Variants in STN1 observed in about 807,000 individuals in gnomAD.
STN1 encodes the protein STN1 subunit of CST complex.
Under a neutral mutation model 45.5 loss-of-function variants are expected in STN1, and 29 were observed. The ratio of observed to expected loss-of-function variants is 0.64; its 90% CI spans 0.47 to 0.87. The LOEUF (loss-of-function observed/expected upper bound fraction) is 0.87, where lower values mean the gene tolerates loss of function less well. STN1 is among the 40% of genes least tolerant of loss of function. The pLI is 0.00. For synonymous variants in STN1, 148 were observed against 159.0 expected, an observed-to-expected ratio of 0.93 and a Z score of 0.52; for missense variants, 376 against 441.4, an observed-to-expected ratio of 0.85 and a Z score of 1.33.
chr10:103,897,778 G>A (rs1392997168), intron 6 of STN1, 59 bp from the exon 7 acceptor site: 1 of 1,572,704 alleles, frequency 6.4e-7, no homozygotes, highest in African/African-American at 1.4e-5. Flanking sequence ...TTCCTTTTTG[G>A]TGTATAAAAA....
At chr10:103,900,618 A>C (rs1444777871) in intron 4 of STN1, among the ~76,000 whole-genome samples, 2 of 152,084 alleles carry the variant, frequency 1.3e-5, no homozygotes, top group African/African-American at 4.8e-5. Flanking sequence ...CCTTGCGAGG[A>C]GACTTGTCCC....
chr10:103,891,798 T>A (rs973367796), intron 8 of STN1, among the ~76,000 whole-genome samples: 2 of 152,158 alleles, frequency 1.3e-5, no homozygotes, highest in Non-Finnish European at 2.9e-5. Flanking sequence ...CCACACACAC[T>A]CAAGTCCTGA....
At chr10:103,896,210 T>C (rs1017823472) in intron 7 of STN1, among the ~76,000 whole-genome samples, 6 of 152,178 alleles carry the variant, frequency 3.9e-5, no homozygotes, top group Admixed American at 3.9e-4. Flanking sequence ...AGAACCTGCT[T>C]TATGCCAGCC....
rs1843049972 is a variant in STN1, at chr10:103,879,091, C to T, written c.*3593G>A. On this transcript the variant is annotated 3_prime_UTR_variant, in exon 10 of 10. Coordinates refer to ENST00000224950, the MANE Select transcript of STN1 (RefSeq NM_024928.5). Reference sequence around the variant, plus strand: ...GGTGTGACTTCTGAGCACTTCCAGCCTGCACAGCCTACTAAGACATGTGAG... The same window carrying T: ...GGTGTGACTTCTGAGCACTTCCAGCTTGCACAGCCTACTAAGACATGTGAG... 6.6e-6 allele frequency: 1 copy of T among 152,314 alleles called. No individual in the cohort carries two copies. Among genetic ancestry groups the T allele is most frequent in the African/African-American group, 2.4e-5 (1 of 41,450 alleles). The allele number at this position is 152,314 out of a possible 1,614,324, so 9.4% of individuals were successfully genotyped here.
At chr10:103,906,494 C>CA (rs990919175) in intron 3 of STN1, among the ~76,000 whole-genome samples, 8 of 150,848 alleles carry the variant, frequency 5.3e-5, no homozygotes, top group South Asian at 2.1e-4. Context: ...CCGTCTCTAC[C>CA]AAAAAAAAAT....
At chr10:103,910,481 G>C (rs1293616476) in intron 3 of STN1, 46 bp downstream of exon 3, 6 of 1,311,076 alleles carry the variant, frequency 4.6e-6, no homozygotes, top group Non-Finnish European at 6.6e-6. Context: ...AGCCCAGAAG[G>C]GTCAGCCTTC....
intron 3 of STN1, among the ~76,000 whole-genome samples, chr10:103,907,016 G>A (rs1843245808): frequency 2.0e-5 from 3 of 152,216 alleles, no homozygotes; most frequent in Non-Finnish European, 1.5e-5. Context: ...TTGGGGGGCT[G>A]AGGCAGGATT....
chr10:103,898,003 A>C (rs1843182716), intron 6 of STN1, among the ~76,000 whole-genome samples: 1 of 152,144 alleles, frequency 6.6e-6, no homozygotes, highest in Non-Finnish European at 1.5e-5. Flanking sequence ...AAACCCACAA[A>C]ATCTATGGGT....
At chr10:103,886,513 A>G (rs1228158197) in intron 9 of STN1, among the ~76,000 whole-genome samples, 1 of 152,158 alleles carries the variant, frequency 6.6e-6, no homozygotes, top group East Asian at 1.9e-4. Context: ...CCATACTGAA[A>G]GCCAAAATCC....
intron 2 of STN1, 114 bp from the exon 3 acceptor site, chr10:103,910,736 T>C: frequency 3.4e-6 from 2 of 591,232 alleles, no homozygotes; most frequent in Non-Finnish European, 6.0e-6. Context: ...TGCTGTTTGC[T>C]GAAATTCTAG....
At chr10:103,915,742 G>T (rs1363726698) in intron 2 of STN1, among the ~76,000 whole-genome samples, 1 of 152,024 alleles carries the variant, frequency 6.6e-6, no homozygotes, top group African/African-American at 2.4e-5. Context: ...GAACACTATG[G>T]TATAGTCTAA....
intron 8 of STN1, 90 bp downstream of exon 8, chr10:103,892,040 T>A: frequency 9.1e-7 from 1 of 1,093,480 alleles, no homozygotes; most frequent in African/African-American, 1.6e-5. Context: ...CTTAATGATT[T>A]TTAAGAATAA....
chr10:103,900,723 C>A (rs1268497439), intron 4 of STN1, among the ~76,000 whole-genome samples: 1 of 150,776 alleles, frequency 6.6e-6, no homozygotes, highest in African/African-American at 2.5e-5. Flanking sequence ...CACACACACA[C>A]ACACACACTC....
At chr10:103,885,443 GCTGA>G (rs2134356216) in intron 9 of STN1, among the ~76,000 whole-genome samples, 1 of 152,308 alleles carries the variant, frequency 6.6e-6, no homozygotes, top group African/African-American at 2.4e-5. Flanking sequence ...AAGCAGTGAT[GCTGA>G]CTGTCTCAGA....
At chr10:103,899,473 T>A (rs1843192600) in intron 5 of STN1, among the ~76,000 whole-genome samples, 1 of 152,144 alleles carries the variant, frequency 6.6e-6, no homozygotes, top group East Asian at 1.9e-4. Context: ...GGTGGGCGGA[T>A]CTCTTGAGCT....
chr10:103,909,983 T>C (rs555969806), intron 3 of STN1, among the ~76,000 whole-genome samples: 73 of 152,336 alleles, frequency 4.8e-4, no homozygotes, highest in Non-Finnish European at 8.8e-4. Flanking sequence ...GTGTCCAAAA[T>C]ATAGAAACCC....
intron 2 of STN1, among the ~76,000 whole-genome samples, chr10:103,915,159 C>A (rs1371792896): frequency 1.3e-5 from 2 of 152,234 alleles, no homozygotes; most frequent in Non-Finnish European, 2.9e-5. Context: ...CCCCCTGACA[C>A]ACCAACACAT....
rs147713550 is a variant in STN1 at position 103,880,885 on chromosome 10, G to GTA, written c.*1797_*1798dup. On this transcript the variant is annotated 3_prime_UTR_variant, in exon 10 of 10. Coordinates refer to ENST00000224950, the MANE Select transcript of STN1 (RefSeq NM_024928.5). ...GAAGGGAGTGGTCGACTGTGTGTGT[G>GTA]TATATATATATATATGTACATGTGC... Among the ~76,000 whole-genome samples, 1,491 of 150,128 alleles carry GTA rather than the reference G, an allele frequency of 9.9e-3. 6 individuals carry two copies. The highest frequency in any genetic ancestry group is 0.035 in the Middle Eastern group (10 of 288).
intron 3 of STN1, among the ~76,000 whole-genome samples, chr10:103,908,906 G>C (rs1316893871): frequency 6.6e-6 from 1 of 150,938 alleles, no homozygotes; most frequent in African/African-American, 2.4e-5. Flanking sequence ...TTTTTTGGTG[G>C]GTGGGGGATG....
Sources: allele counts gnomAD v4.1 joint callset (sites outside exome capture counted in the v4.1 genomes callset), GRCh38; gene constraint gnomAD v4.1.1; transcripts MANE v1.5; gene names NCBI Gene and HGNC (gene_info 2026-07-23, HGNC 2026-07-21).